The following MLLT3 variants were observed in gnomAD, a reference collection of about 807,000 sequenced individuals.
MLLT3 encodes the protein MLLT3 super elongation complex subunit.
A neutral mutation model predicts 53.2 loss-of-function variants in MLLT3; 4 were observed. That is an observed-to-expected ratio of 0.08 (90% confidence interval 0.04 to 0.17). The LOEUF is 0.17. Ranked by LOEUF, MLLT3 falls within the 10% of genes least tolerant of loss-of-function variation. The pLI, the probability that MLLT3 is intolerant of heterozygous loss-of-function variation, is 1.00. For synonymous variants in MLLT3, 283 were observed against 230.6 expected, an observed-to-expected ratio of 1.23 and a Z score of -2.06; for missense variants, 569 against 684.0, an observed-to-expected ratio of 0.83 and a Z score of 1.87.
intron 10 of MLLT3, among the ~76,000 whole-genome samples, chr9:20,349,016 A>G (rs1220584300): frequency 6.6e-6 from 1 of 152,226 alleles, no homozygotes; most frequent in Non-Finnish European, 1.5e-5. Context: ...GATGGAAACA[A>G]GTAGTCTCTT....
chr9:20,548,015 C>T (rs1041743991), intron 2 of MLLT3, among the ~76,000 whole-genome samples: 4 of 152,202 alleles, frequency 2.6e-5, no homozygotes, highest in African/African-American at 9.6e-5. Context: ...AATTCAGATG[C>T]TAAATTTTCA....
At chr9:20,427,646 G>A (rs1325211327) in intron 4 of MLLT3, among the ~76,000 whole-genome samples, 1 of 151,702 alleles carries the variant, frequency 6.6e-6, no homozygotes, top group Non-Finnish European at 1.5e-5. Context: ...TAGACACATT[G>A]TACTAAAAAT....
intron 2 of MLLT3, among the ~76,000 whole-genome samples, chr9:20,504,870 T>A (rs1825346310): frequency 6.6e-6 from 1 of 152,136 alleles, no homozygotes; most frequent in South Asian, 2.1e-4. Context: ...TTTTTCAATT[T>A]AAAAAATTAT....
chr9:20,514,456 GACTAATATTCA>G (rs1322600316), intron 2 of MLLT3, among the ~76,000 whole-genome samples: 3 of 152,156 alleles, frequency 2.0e-5, no homozygotes, highest in African/African-American at 7.2e-5. Context: ...GTAGCAATGA[GACTAATATTCA>G]ACAAAATGAT....
chr9:20,404,565 T>C (rs535334419), intron 5 of MLLT3, among the ~76,000 whole-genome samples: 275 of 152,314 alleles, frequency 1.8e-3, no homozygotes, highest in Middle Eastern at 3.4e-3. Context: ...AGTGCAGTGA[T>C]GTGATCATAG....
intron 2 of MLLT3, among the ~76,000 whole-genome samples, chr9:20,594,123 TAG>T (rs1032207412): frequency 2.6e-5 from 4 of 152,056 alleles, no homozygotes; most frequent in African/African-American, 9.7e-5. Context: ...TGTATTTTAG[TAG>T]AGACAGAGTT....
chr9:20,365,541 G>C, intron 6 of MLLT3, 128 bp downstream of exon 6: 3 of 1,067,134 alleles, frequency 2.8e-6, no homozygotes, highest in Non-Finnish European at 4.1e-6. Flanking sequence ...TACTAAACAC[G>C]GTTTCACCGT....
intron 2 of MLLT3, among the ~76,000 whole-genome samples, chr9:20,563,341 C>G (rs149291357): frequency 4.6e-5 from 7 of 151,882 alleles, no homozygotes; most frequent in African/African-American, 1.5e-4. Context: ...ACTAAGAATA[C>G]CTTTTATTCA....
intron 2 of MLLT3, among the ~76,000 whole-genome samples, chr9:20,533,748 G>A (rs867456901): frequency 6.6e-6 from 1 of 152,216 alleles, no homozygotes; most frequent in Admixed American, 6.5e-5. Flanking sequence ...GCCATTTGTA[G>A]CAAAATAGAT....
intron 5 of MLLT3, among the ~76,000 whole-genome samples, chr9:20,376,711 T>G (rs749466408): frequency 7.9e-5 from 12 of 152,162 alleles, no homozygotes; most frequent in African/African-American, 2.7e-4. Flanking sequence ...GCTTCCTCCC[T>G]TTTAAGCAGA....
At chr9:20,591,679 G>A (rs1319076883) in intron 2 of MLLT3, among the ~76,000 whole-genome samples, 1 of 152,146 alleles carries the variant, frequency 6.6e-6, no homozygotes, top group Non-Finnish European at 1.5e-5. Context: ...CATTTAGGGA[G>A]CATCTTGAAT....
chr9:20,465,289 T>C (rs1052599567), intron 2 of MLLT3, among the ~76,000 whole-genome samples: 12 of 152,156 alleles, frequency 7.9e-5, no homozygotes, highest in Non-Finnish European at 1.5e-4. Flanking sequence ...TAGTTCTAAT[T>C]TTCTCAAACG....
rs1036693853 is a variant in MLLT3 at position 20,345,798 on chromosome 9, G to T, written c.*645C>A. On this transcript the variant is annotated 3_prime_UTR_variant, in exon 11 of 11. Coordinates refer to ENST00000380338, the MANE Select transcript of MLLT3 (RefSeq NM_004529.4). The stretch of plus-strand genomic sequence containing the variant: ...AGAAGAAAATCAAGGTGGCTATTTG[G>T]TCCCCCCAGTTGATAATCTGTGTCC... The T allele has an allele frequency of 4.5e-6, 1 of 222,356 alleles. No individual in the cohort carries two copies. The highest frequency in any genetic ancestry group is 2.2e-5 in the African/African-American group (1 of 44,686). 13.8% of individuals were successfully genotyped at this position (222,356 alleles called of 1,614,324 possible).
chr9:20,537,041 T>C (rs1182384725), intron 2 of MLLT3, among the ~76,000 whole-genome samples: 5 of 152,330 alleles, frequency 3.3e-5, no homozygotes, highest in East Asian at 3.9e-4. Context: ...GTGCCCTGCA[T>C]TGCCAGCTGT....
chr9:20,526,270 A>T (rs1357656256), intron 2 of MLLT3, among the ~76,000 whole-genome samples: 1 of 152,214 alleles, frequency 6.6e-6, no homozygotes, highest in Non-Finnish European at 1.5e-5. Flanking sequence ...AACTAAATCA[A>T]CAAACCCAAT....
intron 5 of MLLT3, among the ~76,000 whole-genome samples, chr9:20,372,757 C>T (rs1821645141): frequency 6.6e-6 from 1 of 151,898 alleles, no homozygotes; most frequent in South Asian, 2.1e-4. Context: ...ATCTTCAGCA[C>T]TCCAATCGAT....
intron 2 of MLLT3, among the ~76,000 whole-genome samples, chr9:20,557,432 GAATT>G (rs779482047): frequency 2.1e-4 from 32 of 152,252 alleles, no homozygotes; most frequent in Non-Finnish European, 3.5e-4. Context: ...TAAACTGAAT[GAATT>G]AATATAGCTA....
Position 20,621,862 on chromosome 9 carries a change from C to T in MLLT3, c.12+383G>A, listed in dbSNP as rs1394887394. 2 of 1,380,516 alleles carry T rather than the reference C, an allele frequency of 1.4e-6. No individual in the cohort carries two copies. Among genetic ancestry groups the T allele is most frequent in the Middle Eastern group, 3.8e-4 (2 of 5,330 alleles). 85.5% of individuals were successfully genotyped at this position (1,380,516 alleles called of 1,614,324 possible). On this transcript the variant is annotated intron_variant, in intron 1 of 10. Transcript: ENST00000380338. The surrounding 1 kb of genome is among the most constrained non-coding windows in gnomAD (Gnocchi z 7.0). ...CTGTGCCCGCAGCTCCCGGCGGCGG[C>T]GGCTGAAATATGGCTGAGTTATTAT...
At chr9:20,589,403 G>C (rs1034025433) in intron 2 of MLLT3, among the ~76,000 whole-genome samples, 6 of 135,266 alleles carry the variant, frequency 4.4e-5, no homozygotes. Flanking sequence ...ATGGACACAG[G>C]AAGGGGAACA....
Sources: allele counts gnomAD v4.1 joint callset (sites outside exome capture counted in the v4.1 genomes callset), GRCh38; gene constraint gnomAD v4.1.1; non-coding constraint Gnocchi (gnomAD v3.1); transcripts MANE v1.5; gene names NCBI Gene and HGNC (gene_info 2026-07-23, HGNC 2026-07-21).